TUSC3: variants seen among roughly 807,000 people sequenced by gnomAD.
TUSC3 encodes tumor suppressor candidate 3.
A neutral mutation model predicts 44.8 loss-of-function variants in TUSC3; 45 were observed. That is an observed-to-expected ratio of 1.00 (90% confidence interval 0.79 to 1.29). The LOEUF (loss-of-function observed/expected upper bound fraction) is 1.29, where lower values mean the gene tolerates loss of function less well. TUSC3 is among the 50% of genes most tolerant of loss of function. The pLI is 0.00. For synonymous variants in TUSC3, 212 were observed against 152.9 expected (o/e 1.39, Z -2.85); for missense variants, 519 against 437.9 (o/e 1.19, Z -1.65).
At chr8:15,794,238 T>A in the TUSC3 span, among the ~76,000 whole-genome samples, 1 of 152,122 alleles carries the variant, frequency 6.6e-6, no homozygotes, top group African/African-American at 2.4e-5. Context: ...CTCTGACTCA[T>A]CCCGTTTTTT....
At chr8:15,537,265 C>A (rs1249713197), upstream of TUSC3, among the ~76,000 whole-genome samples, 1 of 152,176 alleles carries the variant, frequency 6.6e-6, no homozygotes, top group African/African-American at 2.4e-5. Context: ...CTCCACCAAT[C>A]GTCAGTCAGA....
chr8:15,759,025 T>A (rs1812054300), intron 10 of TUSC3, among the ~76,000 whole-genome samples: 1 of 152,178 alleles, frequency 6.6e-6, no homozygotes, highest in Admixed American at 6.6e-5. Flanking sequence ...GGCTAAAGAA[T>A]TCTAGCTAAG....
At chr8:15,438,354 C>T (rs1165919173) in intron 1 of TUSC3, among the ~76,000 whole-genome samples, 2 of 152,304 alleles carry the variant, frequency 1.3e-5, no homozygotes, top group South Asian at 2.1e-4. Context: ...CCTCGGCCCC[C>T]CAAAGTGCTG....
the TUSC3 span, among the ~76,000 whole-genome samples, chr8:15,794,043 C>T: frequency 6.6e-6 from 1 of 152,162 alleles, no homozygotes; most frequent in Non-Finnish European, 1.5e-5. Flanking sequence ...CAAGTGTTGC[C>T]TGCCATATCC....
intron 1 of TUSC3, among the ~76,000 whole-genome samples, chr8:15,457,821 T>TTAG (rs1800278138): frequency 6.8e-6 from 1 of 147,136 alleles, no homozygotes; most frequent in Non-Finnish European, 1.5e-5. Context: ...TATTAGATAA[T>TTAG]TAATTATTAA....
chr8:15,639,224 C>T (rs1469800579), intron 2 of TUSC3, among the ~76,000 whole-genome samples: 3 of 150,726 alleles, frequency 2.0e-5, no homozygotes, highest in African/African-American at 7.3e-5. Context: ...GATGCTAGAT[C>T]ACGTGATGTT....
chr8:15,676,046 C>T (rs1390020006), intron 6 of TUSC3, among the ~76,000 whole-genome samples: 1 of 152,096 alleles, frequency 6.6e-6, no homozygotes, highest in Non-Finnish European at 1.5e-5. Flanking sequence ...TTTACATTCC[C>T]ACCAGCAGTG....
intron 1 of TUSC3, among the ~76,000 whole-genome samples, chr8:15,605,658 C>A (rs983374138): frequency 1.3e-5 from 2 of 151,668 alleles, no homozygotes; most frequent in Non-Finnish European, 2.9e-5. Context: ...AATGTATATA[C>A]ATACTAGTCT....
chr8:15,628,015 G>T (rs1805593275), intron 2 of TUSC3, among the ~76,000 whole-genome samples: 1 of 152,136 alleles, frequency 6.6e-6, no homozygotes, highest in African/African-American at 2.4e-5. Flanking sequence ...TAACATTAAG[G>T]GATGCTATAA....
intron 8 of TUSC3, among the ~76,000 whole-genome samples, chr8:15,745,547 CTGAG>C (rs1369918483): frequency 6.6e-6 from 1 of 151,884 alleles, no homozygotes; most frequent in Non-Finnish European, 1.5e-5. Context: ...CATTTCTCTG[CTGAG>C]TAATGATAAT....
chr8:15,562,497 C>A (rs1480112802), intron 1 of TUSC3, among the ~76,000 whole-genome samples: 2 of 152,070 alleles, frequency 1.3e-5, no homozygotes, highest in Non-Finnish European at 2.9e-5. Context: ...AAATAACACC[C>A]ATTTCTTATC....
At chr8:15,661,800 GTC>G (rs1035975014) in intron 4 of TUSC3, among the ~76,000 whole-genome samples, 18 of 51,850 alleles carry the variant, frequency 3.5e-4, no homozygotes, top group African/African-American at 1.1e-3. Flanking sequence ...CAGCTAGTTT[GTC>G]TATATATATA....
intron 6 of TUSC3, among the ~76,000 whole-genome samples, chr8:15,721,893 A>G (rs1019255416): frequency 6.6e-6 from 1 of 151,826 alleles, no homozygotes; most frequent in Non-Finnish European, 1.5e-5. Flanking sequence ...TTGGTATAGT[A>G]TTTTTGTATA....
intron 1 of TUSC3, among the ~76,000 whole-genome samples, chr8:15,612,300 C>T (rs144467220): frequency 6.6e-6 from 1 of 152,104 alleles, no homozygotes; most frequent in Non-Finnish European, 1.5e-5. Flanking sequence ...ATCTTTTTGC[C>T]TTGGTACATC....
Position 15,705,982 on chromosome 8 carries a change from A to G in TUSC3, c.799-24684A>G, listed in dbSNP as rs193121951. On this transcript the variant is annotated intron_variant, in intron 6 of 10. Transcript: ENST00000503731. ...TTTAGAAGTTTGGATTTTAGATTCC[A>G]GTTAAGTACTCTTTAAAGATACTCA... 4.5e-3 allele frequency among the ~76,000 whole-genome samples: 689 copies of G among 152,112 alleles called. 6 individuals are homozygous for G. Among genetic ancestry groups the G allele is most frequent in the South Asian group, 0.024 (117 of 4,826 alleles).
chr8:15,558,936 G>A (rs144246749), intron 1 of TUSC3, among the ~76,000 whole-genome samples: 29,276 of 149,984 alleles, frequency 0.2, 3,190 homozygotes, highest in South Asian at 0.25. Flanking sequence ...AATCTTGTTG[G>A]TCCTTTCAAA....
the TUSC3 span, among the ~76,000 whole-genome samples, chr8:15,839,757 G>C: frequency 0.01 from 1,549 of 152,228 alleles, 23 homozygotes; most frequent in East Asian, 0.075. Flanking sequence ...GGAGAAATAG[G>C]AACACTTTTA....
rs147407342 is a variant in TUSC3, at chr8:15,525,923, C to G, written n.189+42440C>G. Among the ~76,000 whole-genome samples the G allele has an allele frequency of 2.1e-3, 325 of 152,266 alleles. 1 individual carries two copies. In the Middle Eastern group the frequency reaches 0.024, roughly 11 times the overall value. ...AAGAGGCAGGCTGGGAAGACAAAAA[C>G]TGGGAAGCAGAACTGGTGTTTAAAT... is the stretch of plus-strand genomic sequence containing the variant. On this transcript the variant is annotated intron_variant and non_coding_transcript_variant, in intron 2 of 5. Transcript: ENST00000503191.
intron 2 of TUSC3, among the ~76,000 whole-genome samples, chr8:15,501,104 C>A (rs989098722): frequency 2.6e-5 from 4 of 152,066 alleles, no homozygotes; most frequent in Non-Finnish European, 5.9e-5. Context: ...AACATTTGGC[C>A]CCTAGCATCT....
Sources: allele counts gnomAD v4.1 joint callset (sites outside exome capture counted in the v4.1 genomes callset), GRCh38; gene constraint gnomAD v4.1.1; transcripts MANE v1.5; gene names NCBI Gene and HGNC (gene_info 2026-07-23, HGNC 2026-07-21).